The following PRKG1 variants were observed in gnomAD, a reference collection of about 807,000 sequenced individuals.
The protein encoded by PRKG1 is protein kinase cGMP-dependent 1, also known as cGMP-dependent protein kinase 1.
A neutral mutation model predicts 88.1 loss-of-function variants in PRKG1; 35 were observed. The observed-to-expected ratio is 0.40, with a 90% CI of 0.30 to 0.53. The LOEUF is 0.53. PRKG1 is among the 20% of genes least tolerant of loss of function. The pLI, the probability that PRKG1 is intolerant of heterozygous loss-of-function variation, is 0.59. For missense variants in PRKG1, 540 were observed against 839.8 expected (o/e 0.64, Z 4.41); for synonymous variants, 303 against 292.5 (o/e 1.04, Z -0.37).
intron 2 of PRKG1, among the ~76,000 whole-genome samples, chr10:51,252,540 A>T (rs1839453721): frequency 6.6e-6 from 1 of 151,790 alleles, no homozygotes; most frequent in Non-Finnish European, 1.5e-5. Context: ...ACAAAAAAAA[A>T]TCCTTAGTAA....
chr10:51,840,291 A>G (rs1169694524), intron 4 of PRKG1, among the ~76,000 whole-genome samples: 1 of 151,952 alleles, frequency 6.6e-6, no homozygotes, highest in Non-Finnish European at 1.5e-5. Flanking sequence ...TCTCTTTTCA[A>G]CTAAGGGTTT....
chr10:51,304,781 A>G (rs1840991072), intron 2 of PRKG1, among the ~76,000 whole-genome samples: 1 of 151,472 alleles, frequency 6.6e-6, no homozygotes, highest in African/African-American at 2.4e-5. Flanking sequence ...ATGATTTCCA[A>G]TTTCATCCAT....
intron 4 of PRKG1, among the ~76,000 whole-genome samples, chr10:51,893,025 T>C (rs916560375): frequency 4.6e-5 from 7 of 152,150 alleles, no homozygotes; most frequent in Non-Finnish European, 1.0e-4. Context: ...ATTGTAAAAC[T>C]TACAGAGCAA....
chr10:51,421,290 G>T (rs1232313650), intron 2 of PRKG1, among the ~76,000 whole-genome samples: 2 of 152,066 alleles, frequency 1.3e-5, no homozygotes, highest in Non-Finnish European at 2.9e-5. Context: ...TCCCACCTCA[G>T]CCTCCCAAGT....
At chr10:51,768,028 TA>T (rs71752377) in intron 3 of PRKG1, among the ~76,000 whole-genome samples, 1 of 151,000 alleles carries the variant, frequency 6.6e-6, no homozygotes, top group Admixed American at 6.6e-5. Flanking sequence ...AATAAATAAA[TA>T]AAAAAACGTT....
At chr10:51,943,276 A>T (rs369026041) in intron 5 of PRKG1, among the ~76,000 whole-genome samples, 1 of 151,842 alleles carries the variant, frequency 6.6e-6, no homozygotes, top group Non-Finnish European at 1.5e-5. Context: ...GTGTATAAGA[A>T]TGCTTGTGAT....
chr10:52,051,582 G>A (rs893461877), intron 5 of PRKG1, among the ~76,000 whole-genome samples: 1 of 152,176 alleles, frequency 6.6e-6, no homozygotes, highest in Non-Finnish European at 1.5e-5. Context: ...ATAAATGGAG[G>A]CAAAACATTA....
chr10:51,165,868 C>G (rs1447372065), intron 2 of PRKG1, among the ~76,000 whole-genome samples: 2 of 152,114 alleles, frequency 1.3e-5, no homozygotes, highest in Non-Finnish European at 2.9e-5. Context: ...TTTAAAAGAT[C>G]TTTTATTCCC....
At chr10:51,506,966 C>A (rs1241813288) in intron 3 of PRKG1, among the ~76,000 whole-genome samples, 2 of 152,050 alleles carry the variant, frequency 1.3e-5, no homozygotes, top group African/African-American at 2.4e-5. Context: ...GAATACTATG[C>A]AGCCATAAAA....
chr10:51,574,276 A>T (rs1437914794), intron 3 of PRKG1, among the ~76,000 whole-genome samples: 1 of 151,950 alleles, frequency 6.6e-6, no homozygotes, highest in Non-Finnish European at 1.5e-5. Context: ...GAGACAAAAA[A>T]TGATTCAGTT....
Position 52,113,292 on chromosome 10 carries a change from A to G in PRKG1, c.936-20548A>G, listed in dbSNP as rs117098568. ...TATAAATTTCTTGACAGTAAAAATTATTCATTATGTATCATTGTATCTGTC... is the reference window on the plus strand; with the variant it reads ...TATAAATTTCTTGACAGTAAAAATTGTTCATTATGTATCATTGTATCTGTC... On this transcript the variant is annotated intron_variant, in intron 7 of 17. Transcript: ENST00000373980. 1.8e-4 allele frequency among the ~76,000 whole-genome samples: 28 copies of G among 152,310 alleles called. No individual in the cohort carries two copies. The East Asian group carries it at 4.8e-3, about 26-fold the overall frequency.
At chr10:51,218,531 AAAAT>A (rs1175820244) in intron 2 of PRKG1, among the ~76,000 whole-genome samples, 2 of 53,256 alleles carry the variant, frequency 3.8e-5, no homozygotes, top group East Asian at 9.8e-4. Flanking sequence ...ATATATATAT[AAAAT>A]GTGTGTATTT....
intron 6 of PRKG1, 42 bp downstream of exon 6, chr10:52,054,603 C>T (rs757398361): frequency 1.9e-6 from 3 of 1,574,902 alleles, no homozygotes; most frequent in African/African-American, 2.7e-5. Flanking sequence ...CTAGGGGAGC[C>T]TGGGGTTGGT....
intron 6 of PRKG1, among the ~76,000 whole-genome samples, chr10:52,056,298 G>T (rs749685332): frequency 3.9e-5 from 6 of 152,120 alleles, no homozygotes; most frequent in South Asian, 2.1e-4. Flanking sequence ...TATTTGAAAA[G>T]TTGCATAGGG....
chr10:51,130,834 A>G (rs1845548151), intron 1 of PRKG1, among the ~76,000 whole-genome samples: 1 of 152,062 alleles, frequency 6.6e-6, no homozygotes, highest in Non-Finnish European at 1.5e-5. Context: ...CCCGGGAGGC[A>G]GAGGTTGCAG....
At chr10:51,328,018 G>A (rs749025927) in intron 2 of PRKG1, among the ~76,000 whole-genome samples, 10 of 152,036 alleles carry the variant, frequency 6.6e-5, no homozygotes, top group Non-Finnish European at 1.5e-4. Context: ...TCAAGAACAC[G>A]GGAATATTAT....
At chr10:51,747,385 C>T (rs1837608590) in intron 3 of PRKG1, among the ~76,000 whole-genome samples, 2 of 152,206 alleles carry the variant, frequency 1.3e-5, no homozygotes, top group South Asian at 4.1e-4. Flanking sequence ...AGGCAGAATT[C>T]AGCATGCTTC....
intron 2 of PRKG1, among the ~76,000 whole-genome samples, chr10:51,159,546 G>T (rs781236014): frequency 2.0e-5 from 3 of 152,128 alleles, no homozygotes; most frequent in Non-Finnish European, 4.4e-5. Flanking sequence ...ATTATAAGAG[G>T]TTATCACAAA....
chr10:52,011,639 T>G (rs1253473897), intron 5 of PRKG1, among the ~76,000 whole-genome samples: 1 of 152,222 alleles, frequency 6.6e-6, no homozygotes, highest in Non-Finnish European at 1.5e-5. Flanking sequence ...TTGTTACCAC[T>G]TGTAATTCCC....
Sources: allele counts gnomAD v4.1 joint callset (sites outside exome capture counted in the v4.1 genomes callset), GRCh38; gene constraint gnomAD v4.1.1; transcripts MANE v1.5; gene names NCBI Gene and HGNC (gene_info 2026-07-23, HGNC 2026-07-21).